Variants in GABRG3 observed in about 807,000 individuals in gnomAD.
GABRG3 encodes gamma-aminobutyric acid receptor subunit gamma-3.
A neutral mutation model predicts 48.8 loss-of-function variants in GABRG3; 25 were observed. That is an observed-to-expected ratio of 0.51 (90% CI 0.37 to 0.72). The LOEUF (loss-of-function observed/expected upper bound fraction) is 0.72. GABRG3 is among the 30% of genes least tolerant of loss of function. GABRG3 has a pLI of 0.00. For synonymous variants in GABRG3, 227 were observed against 217.6 expected (o/e 1.04, Z -0.38); for missense variants, 394 against 577.9 (o/e 0.68, Z 3.26).
At chr15:27,307,006 G>GTTTATATATAAACATAA (rs1566769768) in intron 3 of GABRG3, among the ~76,000 whole-genome samples, 17 of 78,568 alleles carry the variant, frequency 2.2e-4, no homozygotes, top group African/African-American at 9.1e-4. Context: ...ATATAAACAT[G>GTTTATATATAAACATAA]TATAAACATG....
rs111910385 is a variant in GABRG3, at chr15:27,398,666, G to GCACA, written c.574+69798_574+69801dup. ...TGGGTAGGGGAGATGACAAGCGCGC[G>GCACA]CACACACACACACACACACACACCC... On this transcript the variant is annotated intron_variant, in intron 5 of 9. Transcript: ENST00000615808. 4.3e-3 allele frequency among the ~76,000 whole-genome samples: 639 copies of GCACA among 147,296 alleles called. 3 individuals carry two copies. The highest frequency in any genetic ancestry group is 0.014 in the African/African-American group (547 of 40,238).
intron 3 of GABRG3, among the ~76,000 whole-genome samples, chr15:27,089,336 C>T (rs1897145908): frequency 1.3e-5 from 2 of 152,228 alleles, no homozygotes; most frequent in South Asian, 4.1e-4. Context: ...TGCCTGCAGT[C>T]CCCATGGTAT....
intron 3 of GABRG3, among the ~76,000 whole-genome samples, chr15:27,284,949 C>A (rs1376349461): frequency 1.3e-5 from 2 of 152,180 alleles, no homozygotes; most frequent in East Asian, 3.8e-4. Flanking sequence ...GAGATTAGAT[C>A]TAGCTAGAGA....
At chr15:26,987,954 A>C in intron 2 of GABRG3, among the ~76,000 whole-genome samples, 1 of 152,148 alleles carries the variant, frequency 6.6e-6, no homozygotes. Context: ...TTTTTCAAAT[A>C]TTTGAGGTTA....
At chr15:27,360,357 G>A (rs1363124385) in intron 5 of GABRG3, among the ~76,000 whole-genome samples, 2 of 152,158 alleles carry the variant, frequency 1.3e-5, no homozygotes, top group Non-Finnish European at 2.9e-5. Flanking sequence ...GGCCTGTGTT[G>A]GAGATCTCCT....
intron 3 of GABRG3, among the ~76,000 whole-genome samples, chr15:27,218,073 G>T (rs998691173): frequency 5.3e-5 from 8 of 152,246 alleles, no homozygotes; most frequent in South Asian, 2.1e-4. Context: ...GCAACTCTGC[G>T]ATTACAGCTC....
intron 3 of GABRG3, among the ~76,000 whole-genome samples, chr15:27,106,503 A>C (rs1897452317): frequency 6.6e-6 from 1 of 152,044 alleles, no homozygotes. Flanking sequence ...AAAGGTATCT[A>C]AGTTTTTAAC....
At chr15:27,420,019 G>A (rs754538914) in intron 5 of GABRG3, among the ~76,000 whole-genome samples, 1 of 152,146 alleles carries the variant, frequency 6.6e-6, no homozygotes. Context: ...ACCATTCTGG[G>A]TGTAATAGCC....
chr15:27,387,880 AGGGGAAGGAGGG>A (rs1895979536), intron 5 of GABRG3, among the ~76,000 whole-genome samples: 1 of 25,766 alleles, frequency 3.9e-5, no homozygotes. Flanking sequence ...GGAGGGAGGG[AGGGGAAGGAGGG>A]AAGGAAGGAA....
chr15:27,232,644 AT>A (rs1408198093), intron 3 of GABRG3, among the ~76,000 whole-genome samples: 1 of 152,194 alleles, frequency 6.6e-6, no homozygotes, highest in Non-Finnish European at 1.5e-5. Context: ...GCTTTTAATC[AT>A]TCAGTCTTGA....
intron 6 of GABRG3, among the ~76,000 whole-genome samples, chr15:27,502,917 C>G (rs1890676306): frequency 6.6e-6 from 1 of 152,218 alleles, no homozygotes; most frequent in Admixed American, 6.5e-5. Flanking sequence ...GTTCTCGTTC[C>G]TGTTCCTGCC....
intron 3 of GABRG3, among the ~76,000 whole-genome samples, chr15:27,289,650 T>C (rs1156411564): frequency 6.6e-6 from 1 of 152,172 alleles, no homozygotes; most frequent in Non-Finnish European, 1.5e-5. Flanking sequence ...CTGATACCAC[T>C]GTACAGTATA....
chr15:27,541,521 T>A lies in GABRG3; in HGVS notation c.*8640T>A, dbSNP rs574014202. 1.1e-4 allele frequency: 16 copies of A among 152,308 alleles called. No homozygotes were observed. Among genetic ancestry groups the A allele is most frequent in the African/African-American group, 3.6e-4 (15 of 41,538 alleles). The allele number at this position is 152,308 out of a possible 1,614,324, so 9.4% of individuals were successfully genotyped here. A position where few individuals can be genotyped will look rare whatever the true frequency, so the allele number is the denominator to read the frequency against. ...AAGCCATTGTCCTCCAGATGGGAGG[T>A]AGGCCGGGAGATTCCAGAATCCGAA... is the stretch of plus-strand genomic sequence containing the variant. On this transcript the variant is annotated 3_prime_UTR_variant, in exon 10 of 10. Coordinates refer to ENST00000615808, the MANE Select transcript of GABRG3 (RefSeq NM_033223.5).
intron 5 of GABRG3, among the ~76,000 whole-genome samples, chr15:27,372,797 A>G (rs1895457687): frequency 6.6e-6 from 1 of 152,148 alleles, no homozygotes; most frequent in Non-Finnish European, 1.5e-5. Context: ...TGGCCTCTTC[A>G]TACTCACTTC....
intron 2 of GABRG3, among the ~76,000 whole-genome samples, chr15:27,003,811 G>T (rs1459423772): frequency 1.3e-5 from 2 of 150,394 alleles, no homozygotes; most frequent in Non-Finnish European, 3.0e-5. Flanking sequence ...GGGCAGAGGC[G>T]CCCCTCACCT....
intron 5 of GABRG3, among the ~76,000 whole-genome samples, chr15:27,440,386 T>C (rs992859050): frequency 6.6e-6 from 1 of 152,206 alleles, no homozygotes; most frequent in African/African-American, 2.4e-5. Context: ...ACCTTTTTTC[T>C]CCACCAAGCT....
At chr15:27,479,019 A>C (rs529869715) in intron 5 of GABRG3, among the ~76,000 whole-genome samples, 6 of 152,228 alleles carry the variant, frequency 3.9e-5, no homozygotes, top group African/African-American at 1.4e-4. Flanking sequence ...TGGGCAGGAA[A>C]GGGGGGAAAA....
At chr15:27,313,808 T>C (rs974425393) in intron 3 of GABRG3, among the ~76,000 whole-genome samples, 1 of 152,044 alleles carries the variant, frequency 6.6e-6, no homozygotes, top group Non-Finnish European at 1.5e-5. Flanking sequence ...CCAATACTTA[T>C]AGGATATGAG....
intron 2 of GABRG3, among the ~76,000 whole-genome samples, chr15:27,014,835 C>T (rs1227498367): frequency 6.6e-6 from 1 of 152,126 alleles, no homozygotes; most frequent in African/African-American, 2.4e-5. Flanking sequence ...TATCTTCTGT[C>T]TGGTTCTTTA....
Sources: allele counts gnomAD v4.1 joint callset (sites outside exome capture counted in the v4.1 genomes callset), GRCh38; gene constraint gnomAD v4.1.1; transcripts MANE v1.5; gene names NCBI Gene and HGNC (gene_info 2026-07-23, HGNC 2026-07-21).